Variants in PKD1L1 observed in about 807,000 individuals in gnomAD.
The protein encoded by PKD1L1 is polycystin-1-like protein 1.
PKD1L1 carries 236 observed loss-of-function variants against 323.4 expected under a neutral mutation model. That is an observed-to-expected ratio of 0.73 (90% CI 0.66 to 0.81). The LOEUF is 0.81. Ranked by LOEUF, PKD1L1 falls within the 40% of genes least tolerant of loss-of-function variation. The probability of loss-of-function intolerance (pLI) is 0.00; values close to 1 mark genes in which losing one functional copy is unlikely to be tolerated. For synonymous variants in PKD1L1, 1,344 were observed against 1,335.0 expected, an observed-to-expected ratio of 1.01 and a Z score of -0.15; for missense variants, 3,320 against 3,508.0, an observed-to-expected ratio of 0.95 and a Z score of 1.35.
rs531979963 is a variant in PKD1L1 at position 47,946,529 on chromosome 7, ACAC to A, written c.44+1865_44+1867del. On this transcript the variant is annotated intron_variant, in intron 1 of 56. Coordinates refer to ENST00000289672, the MANE Select transcript of PKD1L1 (RefSeq NM_138295.5). The surrounding 1 kb of genome is among the most constrained non-coding windows in gnomAD (Gnocchi z 4.1). ...CACCATACACACAAACACCACACAC[ACAC>A]CAACACATTACACACACATCACACA... is the stretch of plus-strand genomic sequence containing the variant. Among the ~76,000 whole-genome samples, 8 of 151,208 alleles carry A rather than the reference ACAC, an allele frequency of 5.3e-5. No homozygotes were observed. Among genetic ancestry groups the A allele is most frequent in the African/African-American group, 1.7e-4 (7 of 41,162 alleles).
chr7:47,854,618 A>C (rs1413424707), intron 30 of PKD1L1, among the ~76,000 whole-genome samples: 1 of 152,252 alleles, frequency 6.6e-6, no homozygotes, highest in Non-Finnish European at 1.5e-5. Flanking sequence ...AAAGAATTAG[A>C]TTTCTAAATG....
At chr7:47,934,777 A>G (rs560634155) in intron 4 of PKD1L1, among the ~76,000 whole-genome samples, 3 of 152,276 alleles carry the variant, frequency 2.0e-5, no homozygotes, top group East Asian at 3.9e-4. Flanking sequence ...GATTGCGCTC[A>G]GGCCTCAGGA....
At chr7:47,882,684 TGGGA>T (rs1295509532) in intron 19 of PKD1L1, among the ~76,000 whole-genome samples, 394 of 7,568 alleles carry the variant, frequency 0.052, no homozygotes, top group African/African-American at 0.15. Flanking sequence ...GGTTGGAGGG[TGGGA>T]GGGAGGGAGG....
chr7:47,810,505 G>C (rs1274228377), intron 50 of PKD1L1, among the ~76,000 whole-genome samples: 4 of 152,180 alleles, frequency 2.6e-5, no homozygotes, highest in Non-Finnish European at 5.9e-5. Context: ...CCCCCAGGCA[G>C]ACCCTGACCA....
chr7:47,878,765 G>A (rs1420630361), intron 21 of PKD1L1, among the ~76,000 whole-genome samples: 1 of 152,198 alleles, frequency 6.6e-6, no homozygotes, highest in Non-Finnish European at 1.5e-5. Flanking sequence ...AGAGTCACGA[G>A]GGGGCCTGGT....
rs1377061474 is a variant in PKD1L1 at position 47,840,536 on chromosome 7, A to G, written c.5477T>C (p.Leu1826Pro). Residue 1826 changes from leucine to proline, a missense_variant, in exon 35 of 57, where the codon CTG becomes CCG. By Grantham distance (98) the Leu-to-Pro change is moderately conservative. Coordinates refer to ENST00000289672, the MANE Select transcript of PKD1L1 (RefSeq NM_138295.5). This position sits in a 1 kb window ranked among gnomAD's most constrained non-coding sequence, Gnocchi z 4.1. ...ACAGGAGAGCTCCTTGGTTTCTGAC[A>G]GTCCATTGTCGCCACATAAAACAAT... Reference protein sequence around the residue: ...VYIVLCGDNGLSETKELSCPE... With the variant: ...VYIVLCGDNGPSETKELSCPE... The G allele has an allele frequency of 1.2e-6, 2 of 1,614,154 alleles. No homozygotes were observed. Among genetic ancestry groups the G allele is most frequent in the East Asian group, 2.2e-5 (1 of 44,874 alleles).
intron 24 of PKD1L1, among the ~76,000 whole-genome samples, chr7:47,869,616 A>G (rs1208492903): frequency 6.6e-6 from 1 of 152,220 alleles, no homozygotes; most frequent in Admixed American, 6.5e-5. Flanking sequence ...ATGAGCAATA[A>G]TGGACAGAAC....
intron 46 of PKD1L1, chr7:47,819,540 G>C: frequency 7.3e-7 from 1 of 1,361,018 alleles, no homozygotes; most frequent in South Asian, 1.2e-5. Context: ...GCACTTGCAC[G>C]GATAGGAGAG....
At chr7:47,858,963 C>A in intron 26 of PKD1L1, 78 bp from the exon 27 acceptor site, 1 of 1,529,076 alleles carries the variant, frequency 6.5e-7, no homozygotes, top group East Asian at 2.3e-5. Flanking sequence ...GGATGAGAAC[C>A]GCACTCATAA....
intron 56 of PKD1L1, among the ~76,000 whole-genome samples, chr7:47,790,046 G>A (rs1228702834): frequency 1.3e-5 from 2 of 150,550 alleles, no homozygotes; most frequent in African/African-American, 4.9e-5. Context: ...GTGCCATGAC[G>A]CCCAGCTAAT....
chr7:47,887,307 G>A (rs1261999799), intron 17 of PKD1L1, among the ~76,000 whole-genome samples: 1 of 152,160 alleles, frequency 6.6e-6, no homozygotes, highest in Non-Finnish European at 1.5e-5. Flanking sequence ...TGTAGGAGCT[G>A]GCTCTCCAGC....
chr7:47,860,662 C>T (rs924275214), intron 26 of PKD1L1, among the ~76,000 whole-genome samples: 2 of 152,170 alleles, frequency 1.3e-5, no homozygotes, highest in Admixed American at 1.3e-4. Context: ...TAAACAAGTG[C>T]TTTAAAGAAT....
At chr7:47,891,088 G>C (rs1320793375) in intron 15 of PKD1L1, among the ~76,000 whole-genome samples, 7 of 152,122 alleles carry the variant, frequency 4.6e-5, no homozygotes, top group Non-Finnish European at 1.0e-4. Flanking sequence ...CACTTCCCAA[G>C]TCACACAGCT....
chr7:47,881,630 C>T (rs1028735260), intron 20 of PKD1L1, among the ~76,000 whole-genome samples: 4 of 152,158 alleles, frequency 2.6e-5, no homozygotes, highest in East Asian at 1.9e-4. Flanking sequence ...AAAAGGTGCG[C>T]ACCAAGGTGT....
chr7:47,879,874 G>A (rs60086518), intron 21 of PKD1L1, among the ~76,000 whole-genome samples: 49,907 of 144,316 alleles, frequency 0.35, 9,854 homozygotes, highest in African/African-American at 0.54. Flanking sequence ...CAGAGCTTGC[G>A]GTGAGCCAAG....
chr7:47,845,274 C>CT (rs1336122050), intron 32 of PKD1L1, among the ~76,000 whole-genome samples, 196 bp from the exon 33 acceptor site: 1 of 152,236 alleles, frequency 6.6e-6, no homozygotes, highest in Admixed American at 6.5e-5. Flanking sequence ...TGCCAGAGTT[C>CT]TTCACATCTG....
intron 1 of PKD1L1, among the ~76,000 whole-genome samples, chr7:47,945,799 G>A (rs868640794): frequency 3.0e-4 from 46 of 152,134 alleles, no homozygotes; most frequent in African/African-American, 1.0e-3. Context: ...ACCAAGTTCC[G>A]AGACCCTCCC....
At chr7:47,803,885 C>T (rs1200402611) in intron 52 of PKD1L1, among the ~76,000 whole-genome samples, 1 of 152,152 alleles carries the variant, frequency 6.6e-6, no homozygotes, top group Non-Finnish European at 1.5e-5. Flanking sequence ...AACAGACAAA[C>T]ATAGTACAAC....
chr7:47,858,872 C>G lies in PKD1L1; in HGVS notation c.4163G>C (p.Ser1388Thr). 3.7e-6 allele frequency: 6 copies of G among 1,613,628 alleles called. No individual in the cohort carries two copies. The highest frequency in any genetic ancestry group is 5.1e-6 in the Non-Finnish European group (6 of 1,179,930). The change falls in exon 27 of 57, where the codon AGT becomes ACT. Residue 1388 changes from serine to threonine, a missense_variant. Physicochemically the swap from Ser to Thr is moderately conservative, Grantham distance 58 (BLOSUM62 1). Transcript: ENST00000289672. ...GGTGTACTTGAGGATGAGAACCGCA[C>G]TCATAAAGCCTAGCTGCATGAACAG... is the stretch of plus-strand genomic sequence containing the variant. Reference protein sequence around the residue: ...VSFSNKLGFMSAVLILKYTRA... With the variant: ...VSFSNKLGFMTAVLILKYTRA...
Sources: gnomAD v4.1 joint callset for allele counts (sites outside exome capture counted in the v4.1 genomes callset) on GRCh38, gnomAD v4.1.1 for gene constraint, Gnocchi (gnomAD v3.1) non-coding constraint, MANE v1.5 for transcripts, NCBI Gene and HGNC (gene_info 2026-07-23, HGNC 2026-07-21) for gene names.